Variants in PGM2L1 observed in about 807,000 individuals in gnomAD.
PGM2L1 encodes phosphoglucomutase 2 like 1.
Under a neutral mutation model 73.4 loss-of-function variants are expected in PGM2L1, and 35 were observed. The ratio of observed to expected loss-of-function variants is 0.48; its 90% CI spans 0.36 to 0.63. The LOEUF is 0.63. PGM2L1 is among the 30% of genes least tolerant of loss of function. The pLI, the probability that PGM2L1 is intolerant of heterozygous loss-of-function variation, is 0.00. For synonymous variants in PGM2L1, 225 were observed against 253.8 expected, an observed-to-expected ratio of 0.89 and a Z score of 1.08; for missense variants, 570 against 742.0, an observed-to-expected ratio of 0.77 and a Z score of 2.69.
rs61026077 is a variant in PGM2L1, at chr11:74,383,824, A to AATAAATATATATATATATAT, written c.112-9243_112-9242insATATATATATATATATTTAT. Among the ~76,000 whole-genome samples, 89 of 121,822 alleles carry AATAAATATATATATATATAT rather than the reference A, an allele frequency of 7.3e-4. 2 individuals are homozygous for AATAAATATATATATATATAT. The highest frequency in any genetic ancestry group is 2.5e-3 in the African/African-American group (73 of 28,722). The allele number at this position is 121,822 out of a possible 152,430, so 79.9% of individuals were successfully genotyped here. A position where few individuals can be genotyped will look rare whatever the true frequency, so the allele number is the denominator to read the frequency against. On this transcript the variant is annotated intron_variant, in intron 1 of 13. Transcript: ENST00000298198. The stretch of plus-strand genomic sequence containing the variant: ...AGTATTCTATGGAGATATATAAATA[A>AATAAATATATATATATATAT]ATATATATATATATATATAACATTT...
At chr11:74,362,477 T>G (rs1235343856) in intron 5 of PGM2L1, among the ~76,000 whole-genome samples, 2 of 152,172 alleles carry the variant, frequency 1.3e-5, no homozygotes, top group Admixed American at 6.5e-5. Flanking sequence ...AGGAAGAAAC[T>G]GCATCAACTA....
rs1048181476 is a variant in PGM2L1 at position 74,398,286 on chromosome 11, C to T, written c.-125G>A. The T allele has an allele frequency of 2.1e-5, 29 of 1,368,850 alleles. 1 individual carries two copies. The highest frequency in any genetic ancestry group is 1.5e-4 in the South Asian group (9 of 60,950). 84.8% of individuals were successfully genotyped at this position (1,368,850 alleles called of 1,614,324 possible). On this transcript the variant is annotated 5_prime_UTR_variant, in exon 1 of 14. Transcript: ENST00000298198. ...TCACTGAAGGGCATCGGAGACCAAC[C>T]GCAGGGTGTTCGTAACAGCTCCTGC...
intron 12 of PGM2L1, 36 bp from the exon 13 acceptor site, chr11:74,338,637 G>T: frequency 6.5e-7 from 1 of 1,535,546 alleles, no homozygotes; most frequent in Admixed American, 1.8e-5. Flanking sequence ...AATTATACTT[G>T]GCATCTTTTT....
intron 9 of PGM2L1, among the ~76,000 whole-genome samples, chr11:74,344,602 T>G (rs1233007514): frequency 1.3e-5 from 2 of 152,104 alleles, no homozygotes; most frequent in Non-Finnish European, 2.9e-5. Context: ...AATTAAAAAG[T>G]CAAAAACCTC....
intron 12 of PGM2L1, among the ~76,000 whole-genome samples, chr11:74,340,067 G>A (rs1324291002): frequency 6.6e-6 from 1 of 152,138 alleles, no homozygotes; most frequent in Non-Finnish European, 1.5e-5. Context: ...TATATTCCTA[G>A]TGTACCTGTG....
intron 5 of PGM2L1, among the ~76,000 whole-genome samples, chr11:74,352,119 T>C (rs596779): frequency 0.054 from 8,171 of 152,106 alleles, 704 homozygotes; most frequent in African/African-American, 0.18. Flanking sequence ...TATATGATTT[T>C]CTTTTAGAAG....
intron 4 of PGM2L1, among the ~76,000 whole-genome samples, chr11:74,370,122 A>G (rs1862729606): frequency 6.6e-6 from 1 of 152,218 alleles, no homozygotes; most frequent in Non-Finnish European, 1.5e-5. Flanking sequence ...ATTACAATGT[A>G]CTAAATAAAC....
chr11:74,354,883 G>C, intron 5 of PGM2L1: 1 of 859,392 alleles, frequency 1.2e-6, no homozygotes, highest in Non-Finnish European at 2.0e-6. Context: ...AGGAAAAGGG[G>C]CTTTGTCTTT....
chr11:74,366,103 A>G (rs1862651847), intron 5 of PGM2L1, among the ~76,000 whole-genome samples: 2 of 152,158 alleles, frequency 1.3e-5, no homozygotes, highest in Non-Finnish European at 2.9e-5. Flanking sequence ...TCAGCAAACT[A>G]TCTCAAGGAC....
At chr11:74,368,651 T>G in intron 4 of PGM2L1, 76 bp from the exon 5 acceptor site, 2 of 1,181,140 alleles carry the variant, frequency 1.7e-6, no homozygotes, top group Non-Finnish European at 2.5e-6. Context: ...TAATTTTGAT[T>G]AAATAACAGG....
At chr11:74,349,692 A>C (rs998689738) in intron 6 of PGM2L1, among the ~76,000 whole-genome samples, 26 of 152,186 alleles carry the variant, frequency 1.7e-4, no homozygotes, top group African/African-American at 6.3e-4. Flanking sequence ...TTAGGTAAAT[A>C]AAACATATTT....
chr11:74,363,584 T>C (rs910298659), intron 5 of PGM2L1, among the ~76,000 whole-genome samples: 1 of 152,156 alleles, frequency 6.6e-6, no homozygotes, highest in Non-Finnish European at 1.5e-5. Flanking sequence ...CAGAGAATAC[T>C]ATAAACACCT....
intron 5 of PGM2L1, among the ~76,000 whole-genome samples, chr11:74,358,686 C>T (rs1242915682): frequency 1.3e-5 from 2 of 152,168 alleles, no homozygotes; most frequent in Non-Finnish European, 2.9e-5. Flanking sequence ...GCCAGGGGTT[C>T]AAGACCAGCC....
intron 1 of PGM2L1, among the ~76,000 whole-genome samples, chr11:74,383,502 GGTAAAT>G (rs1226060923): frequency 2.0e-5 from 3 of 151,886 alleles, no homozygotes; most frequent in Non-Finnish European, 2.9e-5. Context: ...CAGTTACATA[GGTAAAT>G]GTGTGCCATG....
chr11:74,348,506 C>A (rs1565436458), intron 6 of PGM2L1, among the ~76,000 whole-genome samples: 1 of 151,964 alleles, frequency 6.6e-6, no homozygotes, highest in Non-Finnish European at 1.5e-5. Flanking sequence ...GAAACATAAC[C>A]ATATTACCAT....
chr11:74,397,987 G>A, intron 1 of PGM2L1, 64 bp downstream of exon 1: 2 of 1,480,668 alleles, frequency 1.4e-6, no homozygotes, highest in African/African-American at 1.4e-5. Context: ...CGCTGGGTGG[G>A]CACAGGAAAG....
At chr11:74,382,128 A>T (rs1862956858) in intron 1 of PGM2L1, among the ~76,000 whole-genome samples, 2 of 152,116 alleles carry the variant, frequency 1.3e-5, no homozygotes, top group South Asian at 4.2e-4. Flanking sequence ...GGAGAATGAG[A>T]GTGTATTTAT....
Position 74,347,189 on chromosome 11 carries a change from T to C in PGM2L1, c.898A>G (p.Thr300Ala), listed in dbSNP as rs1024761650. 6 of 1,605,062 alleles carry C rather than the reference T, an allele frequency of 3.7e-6. No homozygotes were observed. Among genetic ancestry groups the C allele is most frequent in the African/African-American group, 1.3e-5 (1 of 74,716 alleles). Residue 300 changes from threonine to alanine, a missense_variant, in exon 7 of 14, where the codon ACC (threonine) becomes GCC (alanine). Thr to Ala is a moderately conservative substitution (Grantham distance 58). Coordinates refer to ENST00000298198, the MANE Select transcript of PGM2L1 (RefSeq NM_173582.6). Reference sequence around the variant, plus strand: ...TCTTCAGGATTTGGACATTTAACGGTAGAAAAGTCTGGATCAGGATCTTTT... The same window carrying C: ...TCTTCAGGATTTGGACATTTAACGGCAGAAAAGTCTGGATCAGGATCTTTT... ...EQKDPDPDFS[T>A]VKCPNPEEGE... is the part of the protein sequence containing the mutation.
chr11:74,350,288 A>G (rs1862329491), intron 6 of PGM2L1, among the ~76,000 whole-genome samples: 2 of 152,208 alleles, frequency 1.3e-5, no homozygotes, highest in African/African-American at 2.4e-5. Context: ...AAATACACTC[A>G]GCTAGCCAGG....
Sources: allele counts gnomAD v4.1 joint callset (sites outside exome capture counted in the v4.1 genomes callset), GRCh38; gene constraint gnomAD v4.1.1; transcripts MANE v1.5; gene names NCBI Gene and HGNC (gene_info 2026-07-23, HGNC 2026-07-21).